The following UTRN variants were observed in gnomAD, a reference collection of about 807,000 sequenced individuals.
UTRN encodes the protein dystrophin-related protein 1.
In UTRN, 283 loss-of-function variants were observed where a neutral mutation model predicts 463.9. The observed-to-expected ratio is 0.61, with a 90% CI of 0.55 to 0.67. The LOEUF is 0.67. Among genes scored for constraint, UTRN ranks in the 30% least tolerant of loss-of-function variants. UTRN has a pLI of 0.00. For missense variants in UTRN, 3,922 were observed against 4,084.3 expected (o/e 0.96, Z 1.08); for synonymous variants, 1,442 against 1,431.5 (o/e 1.01, Z -0.17).
intron 50 of UTRN, among the ~76,000 whole-genome samples, chr6:144,564,146 T>C (rs1290651175): frequency 6.6e-6 from 1 of 152,136 alleles, no homozygotes; most frequent in Non-Finnish European, 1.5e-5. Flanking sequence ...TGACATTGCA[T>C]AGGGGGAGCC....
At chr6:144,618,757 AAATACT>A (rs1360624674) in intron 51 of UTRN, among the ~76,000 whole-genome samples, 19 of 152,124 alleles carry the variant, frequency 1.2e-4, no homozygotes, top group Non-Finnish European at 2.4e-4. Context: ...TTGGAAATTA[AAATACT>A]CTATATTATA....
chr6:144,841,613 A>G (rs1781583643), intron 73 of UTRN, among the ~76,000 whole-genome samples: 1 of 152,156 alleles, frequency 6.6e-6, no homozygotes, highest in South Asian at 2.1e-4. Context: ...ATATATACAC[A>G]CACACATACA....
chr6:144,430,912 T>C (rs2114870720), intron 9 of UTRN, among the ~76,000 whole-genome samples: 1 of 152,196 alleles, frequency 6.6e-6, no homozygotes, highest in Non-Finnish European at 1.5e-5. Flanking sequence ...GTTTCAAAAA[T>C]AGTGTGATTT....
chr6:144,829,833 C>T (rs575550101), intron 69 of UTRN, among the ~76,000 whole-genome samples: 2 of 151,942 alleles, frequency 1.3e-5, no homozygotes, highest in East Asian at 3.9e-4. Context: ...TAAAAGTTAT[C>T]AGGAGGTTTT....
At chr6:144,668,460 C>T (rs1248385908) in intron 51 of UTRN, among the ~76,000 whole-genome samples, 1 of 152,178 alleles carries the variant, frequency 6.6e-6, no homozygotes. Flanking sequence ...GAGAAACTTA[C>T]AATGAGTGAG....
chr6:144,568,614 G>T (rs1008659285), intron 50 of UTRN, among the ~76,000 whole-genome samples: 2 of 151,924 alleles, frequency 1.3e-5, no homozygotes, highest in African/African-American at 4.8e-5. Context: ...CCTTTTTTGC[G>T]ATCGGCACAC....
rs527888831 is a variant in UTRN, at chr6:144,367,721, G to A, written c.80-35402G>A. ...TTCAAGAAGACAGTAATTTGTTGGC[G>A]GGGGGCGACCAGGAGAAAAATCCTA... is the stretch of plus-strand genomic sequence containing the variant. On this transcript the variant is annotated intron_variant, in intron 2 of 74. Coordinates refer to ENST00000367545, the MANE Select transcript of UTRN (RefSeq NM_007124.3). 3.9e-5 allele frequency among the ~76,000 whole-genome samples: 6 copies of A among 152,122 alleles called. No individual in the cohort carries two copies. In the East Asian group the frequency reaches 7.7e-4, roughly 20 times the overall value.
At chr6:144,711,292 G>A (rs543553941) in intron 53 of UTRN, among the ~76,000 whole-genome samples, 4 of 151,792 alleles carry the variant, frequency 2.6e-5, no homozygotes, top group African/African-American at 9.7e-5. Flanking sequence ...CTCCAGCCTG[G>A]CAACAGATTG....
intron 9 of UTRN, among the ~76,000 whole-genome samples, chr6:144,431,864 C>A (rs1785882407): frequency 6.6e-6 from 1 of 152,224 alleles, no homozygotes; most frequent in South Asian, 2.1e-4. Context: ...TGTTTCGACT[C>A]TGTGCTGATT....
At chr6:144,466,861 C>T (rs1330836379) in intron 23 of UTRN, among the ~76,000 whole-genome samples, 3 of 152,198 alleles carry the variant, frequency 2.0e-5, no homozygotes, top group Non-Finnish European at 2.9e-5. Context: ...TATTTTCCAG[C>T]GCTCCTGCCT....
At chr6:144,344,090 C>CAAAAAAAAAAAAAAAAAAAACACA (rs1777367811) in intron 2 of UTRN, 1 of 728,340 alleles carries the variant, frequency 1.4e-6, no homozygotes, top group Non-Finnish European at 1.7e-6. Flanking sequence ...TAAAAGCCAC[C>CAAAAAAAAAAAAAAAAAAAACACA]AAAAAAAAAA....
At chr6:144,575,193 T>G (rs574868183) in intron 50 of UTRN, among the ~76,000 whole-genome samples, 135 of 152,322 alleles carry the variant, frequency 8.9e-4, no homozygotes, top group African/African-American at 2.9e-3. Context: ...TGGTAACGTA[T>G]AGGTTTAAAT....
intron 65 of UTRN, among the ~76,000 whole-genome samples, chr6:144,813,679 C>T (rs913115259): frequency 6.6e-6 from 1 of 152,162 alleles, no homozygotes; most frequent in Non-Finnish European, 1.5e-5. Flanking sequence ...AGCCACAAAA[C>T]GTACAAGACA....
At chr6:144,399,192 T>C (rs926129661) in intron 2 of UTRN, among the ~76,000 whole-genome samples, 3 of 152,084 alleles carry the variant, frequency 2.0e-5, no homozygotes, top group Non-Finnish European at 4.4e-5. Context: ...TTTTACAGAT[T>C]ATTATATAAT....
intron 51 of UTRN, among the ~76,000 whole-genome samples, chr6:144,619,355 A>T (rs1775111092): frequency 6.6e-6 from 1 of 152,224 alleles, no homozygotes; most frequent in African/African-American, 2.4e-5. Flanking sequence ...CTTCTACTTT[A>T]AATGATGCCA....
intron 51 of UTRN, among the ~76,000 whole-genome samples, chr6:144,594,882 G>A (rs1020214401): frequency 6.6e-6 from 1 of 152,138 alleles, no homozygotes; most frequent in East Asian, 1.9e-4. Flanking sequence ...TTAGGTAAAA[G>A]TCATGGAAAT....
chr6:144,582,673 T>C (rs1802078109), intron 51 of UTRN, among the ~76,000 whole-genome samples: 1 of 152,336 alleles, frequency 6.6e-6, no homozygotes. Flanking sequence ...ACTTAGCTGT[T>C]TAATTAGACA....
chr6:144,300,693 A>G (rs9496921), intron 2 of UTRN, among the ~76,000 whole-genome samples: 68 of 152,226 alleles, frequency 4.5e-4, no homozygotes, highest in African/African-American at 1.6e-3. Flanking sequence ...AGGATCAAAA[A>G]GGGAGCCACT....
At chr6:144,672,572 C>T (rs955227507) in intron 51 of UTRN, among the ~76,000 whole-genome samples, 2 of 151,826 alleles carry the variant, frequency 1.3e-5, no homozygotes, top group African/African-American at 4.8e-5. Flanking sequence ...CTTGGTTAAT[C>T]ATGTTAATGG....
Sources: allele counts gnomAD v4.1 joint callset (sites outside exome capture counted in the v4.1 genomes callset), GRCh38; gene constraint gnomAD v4.1.1; transcripts MANE v1.5; gene names NCBI Gene and HGNC (gene_info 2026-07-23, HGNC 2026-07-21).